MYO18B: variants seen among roughly 807,000 people sequenced by gnomAD.
MYO18B encodes the protein myosin XVIIIB, also known as unconventional myosin-XVIIIb.
A neutral mutation model predicts 273.0 loss-of-function variants in MYO18B; 204 were observed. That is an observed-to-expected ratio of 0.75 (90% CI 0.67 to 0.84). MYO18B has a LOEUF of 0.84. MYO18B is among the 40% of genes least tolerant of loss of function. MYO18B has a pLI of 0.00. For missense variants in MYO18B, 3,212 were observed against 3,287.6 expected, an observed-to-expected ratio of 0.98 and a Z score of 0.56; for synonymous variants, 1,330 against 1,305.7, an observed-to-expected ratio of 1.02 and a Z score of -0.40.
intron 40 of MYO18B, among the ~76,000 whole-genome samples, chr22:26,001,843 GA>G (rs1933980907): frequency 6.6e-6 from 1 of 152,218 alleles, no homozygotes; most frequent in Non-Finnish European, 1.5e-5. Flanking sequence ...AGTACTCATG[GA>G]GTCAGCCAGG....
At chr22:25,846,887 C>T (rs966405800) in intron 19 of MYO18B, among the ~76,000 whole-genome samples, 3 of 152,130 alleles carry the variant, frequency 2.0e-5, no homozygotes, top group African/African-American at 7.2e-5. Flanking sequence ...CGAGACCAGC[C>T]TGGCCAACAT....
chr22:25,922,589 A>T (rs553714332), intron 34 of MYO18B, among the ~76,000 whole-genome samples: 20 of 152,058 alleles, frequency 1.3e-4, no homozygotes, highest in Non-Finnish European at 2.4e-4. Context: ...CTAAGCCCAG[A>T]TGCCTTCGCC....
chr22:25,890,443 G>A (rs866374930), intron 25 of MYO18B, among the ~76,000 whole-genome samples: 44 of 152,164 alleles, frequency 2.9e-4, no homozygotes, highest in African/African-American at 8.7e-4. Flanking sequence ...GCCAGGCACC[G>A]TGCTAAGCTT....
chr22:25,970,774 A>C (rs2093028882), intron 39 of MYO18B, among the ~76,000 whole-genome samples: 1 of 152,092 alleles, frequency 6.6e-6, no homozygotes, highest in African/African-American at 2.4e-5. Context: ...CTGTTATTAA[A>C]GTTTGGCAGT....
chr22:25,749,692 C>T (rs756532004), intron 1 of MYO18B, among the ~76,000 whole-genome samples: 2 of 152,078 alleles, frequency 1.3e-5, no homozygotes, highest in African/African-American at 4.8e-5. Context: ...TCAGGGCGGT[C>T]GTCTTGTTCC....
chr22:25,905,055 T>TTA (rs112801574), intron 31 of MYO18B, among the ~76,000 whole-genome samples: 9 of 151,588 alleles, frequency 5.9e-5, no homozygotes, highest in African/African-American at 2.2e-4. Flanking sequence ...GTGTTTTTTT[T>TTA]AAAAAAAATG....
intron 13 of MYO18B, 43 bp from the exon 14 acceptor site, chr22:25,826,366 C>T: frequency 6.5e-7 from 1 of 1,529,426 alleles, no homozygotes; most frequent in Non-Finnish European, 9.0e-7. Flanking sequence ...TGGCCCCAGG[C>T]AAGATCCCTA....
Position 26,011,411 on chromosome 22 carries a change from G to A in MYO18B, c.6470+6556G>A, listed in dbSNP as rs1326000324. 3.3e-5 allele frequency among the ~76,000 whole-genome samples: 5 copies of A among 152,182 alleles called. No homozygotes were observed. In the East Asian group the frequency reaches 9.6e-4, roughly 29 times the overall value. ...TCCCACCAAACCATGAGAACATGAA[G>A]GGAGGAGGGGTTCCCCAAAGGACAA... is the stretch of plus-strand genomic sequence containing the variant. On this transcript the variant is annotated intron_variant, in intron 42 of 43. Coordinates refer to ENST00000335473, the MANE Select transcript of MYO18B (RefSeq NM_032608.7).
At chr22:26,057,471 C>G in the MYO18B span, among the ~76,000 whole-genome samples, 3 of 150,688 alleles carry the variant, frequency 2.0e-5, no homozygotes, top group Admixed American at 6.6e-5. Flanking sequence ...CAGAGGAGTT[C>G]TGTAACTTAC....
At chr22:25,895,517 G>T in intron 28 of MYO18B, 2 of 405,190 alleles carry the variant, frequency 4.9e-6, no homozygotes, top group South Asian at 5.1e-5. Flanking sequence ...TAAAGAACAT[G>T]GATATTAACT....
At chr22:26,051,862 C>T in the MYO18B span, among the ~76,000 whole-genome samples, 1 of 152,228 alleles carries the variant, frequency 6.6e-6, no homozygotes, top group Non-Finnish European at 1.5e-5. Context: ...TGTTTCTACA[C>T]ATTACTTTTT....
intron 42 of MYO18B, among the ~76,000 whole-genome samples, chr22:26,014,006 G>A (rs761213543): frequency 6.6e-6 from 1 of 152,026 alleles, no homozygotes; most frequent in South Asian, 2.1e-4. Flanking sequence ...TAATTTTAAT[G>A]TAACCCAGTT....
Position 25,895,146 on chromosome 22 carries a change from C to T in MYO18B, c.4544-10C>T, listed in dbSNP as rs751958668. The T allele has an allele frequency of 5.7e-5, 92 of 1,612,324 alleles. No individual in the cohort carries two copies. Among genetic ancestry groups the T allele is most frequent in the Non-Finnish European group, 7.0e-5 (82 of 1,179,170 alleles). On this transcript the variant is annotated splice_polypyrimidine_tract_variant and intron_variant, in intron 27 of 43. Transcript: ENST00000335473. The stretch of plus-strand genomic sequence containing the variant: ...CCTCTTATCCTGGTCTCCCTGACTC[C>T]GTTAAACAGCAGACGAGTGGCAGAT...
intron 34 of MYO18B, among the ~76,000 whole-genome samples, chr22:25,932,990 C>T (rs968433884): frequency 6.6e-6 from 1 of 152,062 alleles, no homozygotes; most frequent in Non-Finnish European, 1.5e-5. Context: ...CCCCAGTGTC[C>T]GTTATAGCAA....
chr22:25,780,050 C>T lies in MYO18B; in HGVS notation c.2069-6C>T. 2 of 1,584,206 alleles carry T rather than the reference C, an allele frequency of 1.3e-6. No homozygotes were observed. Among genetic ancestry groups the T allele is most frequent in the Non-Finnish European group, 1.7e-6 (2 of 1,167,490 alleles). ...GTGACATGTGGCCCCATGCTGCCCC[C>T]AACAGTGGAGAAGATCCGAGCCACC... On this transcript the variant is annotated splice_region_variant and splice_polypyrimidine_tract_variant and intron_variant, in intron 8 of 43. Coordinates refer to ENST00000335473, the MANE Select transcript of MYO18B (RefSeq NM_032608.7).
chr22:26,041,943 G>T, the MYO18B span, among the ~76,000 whole-genome samples: 1 of 152,320 alleles, frequency 6.6e-6, no homozygotes, highest in East Asian at 1.9e-4. Flanking sequence ...CTTCCTCTCA[G>T]TCTCACTGGT....
chr22:25,769,855 T>G (rs892626556), intron 4 of MYO18B, among the ~76,000 whole-genome samples: 6 of 149,688 alleles, frequency 4.0e-5, no homozygotes, highest in Admixed American at 3.3e-4. Flanking sequence ...TGCATTTATG[T>G]AGTATTTTTT....
At position 25,823,616 on chromosome 22, in the gene MYO18B, T is replaced by G; in HGVS notation, c.2633T>G (p.Ile878Ser). 6.2e-7 allele frequency: 1 copy of G among 1,613,854 alleles called. No individual in the cohort carries two copies. Residue 878 changes from isoleucine to serine, a missense_variant, in exon 13 of 44, where the codon ATC becomes AGC. Physicochemically the swap from Ile to Ser is moderately radical, Grantham distance 142 (BLOSUM62 -2). Transcript: ENST00000335473. ...TATFKHHLRQ[I>S]IQQMTFGPSR... Reference sequence around the variant, plus strand: ...ACCTTCAAGCACCACCTTCGACAGATCATCCAGCAAATGACGTTTGGGCCA... The same window carrying G: ...ACCTTCAAGCACCACCTTCGACAGAGCATCCAGCAAATGACGTTTGGGCCA...
intron 15 of MYO18B, among the ~76,000 whole-genome samples, 173 bp from the exon 16 acceptor site, chr22:25,832,744 A>G (rs1470765668): frequency 6.6e-6 from 1 of 152,198 alleles, no homozygotes; most frequent in African/African-American, 2.4e-5. Flanking sequence ...TATACTTAAA[A>G]TGACTAAAAT....
Sources: gnomAD v4.1 joint callset for allele counts (sites outside exome capture counted in the v4.1 genomes callset) on GRCh38, gnomAD v4.1.1 for gene constraint, MANE v1.5 for transcripts, NCBI Gene and HGNC (gene_info 2026-07-23, HGNC 2026-07-21) for gene names.